Variants in RGS17 observed in about 807,000 individuals in gnomAD.
RGS17 encodes regulator of G-protein signaling 17.
Under a neutral mutation model 25.5 loss-of-function variants are expected in RGS17, and 12 were observed. The observed-to-expected ratio is 0.47, with a 90% confidence interval of 0.30 to 0.76. RGS17 has a LOEUF of 0.76. Among genes scored for constraint, RGS17 ranks in the 30% least tolerant of loss-of-function variants. The pLI is 0.07. For missense variants in RGS17, 196 were observed against 242.2 expected (o/e 0.81, Z 1.27); for synonymous variants, 71 against 76.9 (o/e 0.92, Z 0.40).
chr6:153,038,367 T>A (rs1355624109), intron 2 of RGS17, among the ~76,000 whole-genome samples: 1 of 152,234 alleles, frequency 6.6e-6, no homozygotes, highest in Non-Finnish European at 1.5e-5. Context: ...TTGATAGATG[T>A]CTTTTGATTG....
intron 1 of RGS17, among the ~76,000 whole-genome samples, chr6:153,112,262 G>C (rs1191673821): frequency 1.3e-5 from 2 of 152,208 alleles, no homozygotes; most frequent in East Asian, 3.9e-4. Flanking sequence ...AACAACATGA[G>C]AACATTGTGA....
chr6:153,079,080 A>T (rs62436158), intron 1 of RGS17, among the ~76,000 whole-genome samples: 1 of 113,288 alleles, frequency 8.8e-6, no homozygotes, highest in Non-Finnish European at 2.0e-5. Flanking sequence ...AAGAAGTGAT[A>T]AATTTTTTTT....
intron 1 of RGS17, among the ~76,000 whole-genome samples, chr6:153,117,476 G>C (rs1482238546): frequency 6.6e-6 from 1 of 152,302 alleles, no homozygotes; most frequent in African/African-American, 2.4e-5. Context: ...CATCCAATAT[G>C]AGAGGAAAAG....
intron 1 of RGS17, among the ~76,000 whole-genome samples, chr6:153,107,596 A>G (rs1330776236): frequency 5.9e-5 from 9 of 152,124 alleles, no homozygotes; most frequent in Non-Finnish European, 1.3e-4. Context: ...TATATTATCT[A>G]TTATATTGGG....
intron 1 of RGS17, among the ~76,000 whole-genome samples, chr6:153,117,534 C>T (rs1216088302): frequency 2.0e-5 from 3 of 152,168 alleles, no homozygotes; most frequent in East Asian, 1.9e-4. Flanking sequence ...ACTTAGGCTC[C>T]GCCCCTTATA....
intron 4 of RGS17, among the ~76,000 whole-genome samples, chr6:153,017,736 A>C (rs149947759): frequency 2.1e-3 from 317 of 152,310 alleles, no homozygotes; most frequent in African/African-American, 7.4e-3. Flanking sequence ...TATCACATCC[A>C]AGTGTTTTCT....
intron 2 of RGS17, among the ~76,000 whole-genome samples, chr6:153,037,788 G>T (rs2129109216): frequency 6.6e-6 from 1 of 152,278 alleles, no homozygotes; most frequent in South Asian, 2.1e-4. Flanking sequence ...TGGCAGCAAT[G>T]ACCAATATGG....
chr6:153,040,006 C>T (rs890698440), intron 2 of RGS17, among the ~76,000 whole-genome samples: 1 of 152,084 alleles, frequency 6.6e-6, no homozygotes, highest in African/African-American at 2.4e-5. Context: ...ATGGTCTTGA[C>T]AAAATGGTCT....
chr6:153,076,850 C>A (rs1009139819), intron 1 of RGS17, among the ~76,000 whole-genome samples: 1 of 152,260 alleles, frequency 6.6e-6, no homozygotes, highest in Admixed American at 6.5e-5. Context: ...GAAAAAACAT[C>A]ATTTTTCACC....
At chr6:153,089,164 T>C (rs1375074085) in intron 1 of RGS17, among the ~76,000 whole-genome samples, 1 of 152,020 alleles carries the variant, frequency 6.6e-6, no homozygotes, top group Admixed American at 6.6e-5. Context: ...TTTTTTTCTT[T>C]CTGCATTATT....
intron 2 of RGS17, among the ~76,000 whole-genome samples, chr6:153,029,474 A>C (rs1333670248): frequency 6.6e-6 from 1 of 152,112 alleles, no homozygotes; most frequent in Non-Finnish European, 1.5e-5. Context: ...AATTCACTGG[A>C]AATATTTGCT....
intron 1 of RGS17, among the ~76,000 whole-genome samples, chr6:153,129,844 G>C (rs1463659830): frequency 6.6e-6 from 1 of 152,224 alleles, no homozygotes; most frequent in African/African-American, 2.4e-5. Flanking sequence ...GTTATGCCAG[G>C]AGCCAGGGTC....
At chr6:153,033,986 G>A (rs1728871696) in intron 2 of RGS17, among the ~76,000 whole-genome samples, 1 of 152,174 alleles carries the variant, frequency 6.6e-6, no homozygotes, top group South Asian at 2.1e-4. Context: ...GATCATTTGT[G>A]TCAAGTGCAT....
intron 1 of RGS17, among the ~76,000 whole-genome samples, chr6:153,081,328 T>C (rs984420347): frequency 6.6e-6 from 1 of 152,158 alleles, no homozygotes; most frequent in Non-Finnish European, 1.5e-5. Flanking sequence ...TGATTAAATG[T>C]CCTCTTTTTG....
chr6:153,126,866 C>T (rs543268554), intron 1 of RGS17, among the ~76,000 whole-genome samples: 2 of 152,242 alleles, frequency 1.3e-5, no homozygotes, highest in Non-Finnish European at 2.9e-5. Flanking sequence ...ATCACTAAAT[C>T]GCATTAAAAA....
chr6:153,067,551 C>G (rs1409915912), intron 1 of RGS17, among the ~76,000 whole-genome samples: 1 of 151,964 alleles, frequency 6.6e-6, no homozygotes, highest in Non-Finnish European at 1.5e-5. Context: ...AAAAGTAATC[C>G]CATTACAACA....
chr6:153,106,269 C>T (rs975037821), intron 1 of RGS17, among the ~76,000 whole-genome samples: 1 of 151,680 alleles, frequency 6.6e-6, no homozygotes, highest in Non-Finnish European at 1.5e-5. Context: ...TATGAGGTGG[C>T]CAGGCAAGGA....
chr6:153,124,047 G>C (rs1018331648), intron 1 of RGS17, among the ~76,000 whole-genome samples: 1 of 152,104 alleles, frequency 6.6e-6, no homozygotes, highest in Non-Finnish European at 1.5e-5. Context: ...CCTTATCTCT[G>C]AGTCTCTGCT....
At chr6:153,012,802 C>G (rs1363783307) in intron 4 of RGS17, among the ~76,000 whole-genome samples, 1 of 152,232 alleles carries the variant, frequency 6.6e-6, no homozygotes, top group Non-Finnish European at 1.5e-5. Context: ...CATAAGCATT[C>G]TGCAAATGCC....
Sources: allele counts gnomAD v4.1 joint callset (sites outside exome capture counted in the v4.1 genomes callset), GRCh38; gene constraint gnomAD v4.1.1; transcripts MANE v1.5; gene names NCBI Gene and HGNC (gene_info 2026-07-23, HGNC 2026-07-21).